The following DYNC1H1 variants were observed in gnomAD, a reference collection of about 807,000 sequenced individuals.
DYNC1H1 encodes the protein cytoplasmic dynein 1 heavy chain 1.
DYNC1H1 carries 51 observed loss-of-function variants against 527.1 expected under a neutral mutation model. The observed-to-expected ratio is 0.10, with a 90% CI of 0.08 to 0.12. The LOEUF is 0.12. DYNC1H1 is among the 10% of genes least tolerant of loss of function. The pLI is 1.00. For synonymous variants in DYNC1H1, 2,189 were observed against 2,278.8 expected (o/e 0.96, Z 1.12); for missense variants, 2,771 against 5,971.8 (o/e 0.46, Z 17.66).
At chr14:102,040,505 G>A (rs1239234807) in intron 63 of DYNC1H1, 93 bp from the exon 64 acceptor site, 6 of 1,612,300 alleles carry the variant, frequency 3.7e-6, no homozygotes, top group South Asian at 1.1e-5. Context: ...AGAATGTTGT[G>A]TCTGCGCTCT....
intron 1 of DYNC1H1, among the ~76,000 whole-genome samples, chr14:101,970,982 C>G (rs764190934): frequency 3.3e-5 from 5 of 151,674 alleles, no homozygotes; most frequent in African/African-American, 1.2e-4. Flanking sequence ...GTTGGGCAGC[C>G]TCACCTGGCA....
rs112126704 is a variant in DYNC1H1, at chr14:102,044,142, G to C, written c.12684+97G>C. On this transcript the variant is annotated intron_variant, in intron 70 of 77. Coordinates refer to ENST00000360184, the MANE Select transcript of DYNC1H1 (RefSeq NM_001376.5). This position sits in a 1 kb window ranked among gnomAD's most constrained non-coding sequence, Gnocchi z 7.1. ...GAGGCCAGACTCTGCGTGGAAGAGC[G>C]AGCTGACCCCTCGTGACCGCCAAAG... 12 of 1,586,660 alleles carry C rather than the reference G, an allele frequency of 7.6e-6. No individual in the cohort carries two copies. The African/African-American group carries it at 1.2e-4, about 16-fold the overall frequency.
At chr14:101,974,973 G>A (rs891943542) in intron 1 of DYNC1H1, among the ~76,000 whole-genome samples, 1 of 152,226 alleles carries the variant, frequency 6.6e-6, no homozygotes, top group Admixed American at 6.5e-5. Flanking sequence ...TAAGTGGTGT[G>A]GCGCAGCAGA....
In DYNC1H1 at chr14:102,007,125, G is replaced by A; in HGVS notation, c.5817+17G>A. The A allele has an allele frequency of 6.2e-7, 1 of 1,613,066 alleles. No individual in the cohort carries two copies. Among genetic ancestry groups the A allele is most frequent in the Non-Finnish European group, 8.5e-7 (1 of 1,179,142 alleles). On this transcript the variant is annotated intron_variant, in intron 28 of 77. Coordinates refer to ENST00000360184, the MANE Select transcript of DYNC1H1 (RefSeq NM_001376.5). ...GATTTCCAGGTGAGACACTTTATGG[G>A]ATCCACCTAAAATGTAATGCCCTGC...
rs760972487 is a variant in DYNC1H1, at chr14:102,042,796, C to G, written c.12513+48C>G. On this transcript the variant is annotated intron_variant, in intron 69 of 77. Coordinates refer to ENST00000360184, the MANE Select transcript of DYNC1H1 (RefSeq NM_001376.5). The surrounding 1 kb of genome is among the most constrained non-coding windows in gnomAD (Gnocchi z 5.7). ...ATGCTTTCCCCATAGAAGCTAAAGC[C>G]CAGTCCCATCACCAAATGCAGAAGT... 2.8e-5 allele frequency: 45 copies of G among 1,600,166 alleles called. No individual in the cohort carries two copies. In the Admixed American group the frequency reaches 7.4e-4, roughly 26 times the overall value.
At position 102,036,758 on chromosome 14, in the gene DYNC1H1, T is replaced by A; in HGVS notation, c.10908+116T>A. ...TCATTTTGTATCAGAAGGATAAAGC[T>A]TTGCGGTGGTTCTGTAATAGATAAA... On this transcript the variant is annotated intron_variant, in intron 57 of 77. Transcript: ENST00000360184. The surrounding 1 kb of genome is among the most constrained non-coding windows in gnomAD (Gnocchi z 5.6). The A allele has an allele frequency of 7.6e-7, 1 of 1,319,598 alleles. No individual in the cohort carries two copies. Among genetic ancestry groups the A allele is most frequent in the East Asian group, 2.3e-5 (1 of 43,092 alleles). 81.7% of individuals were successfully genotyped at this position (1,319,598 alleles called of 1,614,324 possible).
Position 102,012,768 on chromosome 14 carries a change from C to A in DYNC1H1, c.7014+298C>A. The A allele has an allele frequency of 2.3e-6, 1 of 431,830 alleles. No individual in the cohort carries two copies. Among genetic ancestry groups the A allele is most frequent in the Non-Finnish European group, 4.3e-6 (1 of 232,950 alleles). 26.7% of individuals were successfully genotyped at this position (431,830 alleles called of 1,614,324 possible). A position where few individuals can be genotyped will look rare whatever the true frequency, so the allele number is the denominator to read the frequency against. ...GGGGTTGTCGTTAAGGTTTCTTAAG[C>A]TGTTATACATCTAGAGAGCTGGGAA... is the stretch of plus-strand genomic sequence containing the variant. On this transcript the variant is annotated intron_variant, in intron 34 of 77. Coordinates refer to ENST00000360184, the MANE Select transcript of DYNC1H1 (RefSeq NM_001376.5). The surrounding 1 kb of genome is among the most constrained non-coding windows in gnomAD (Gnocchi z 4.9).
At chr14:102,031,251 T>C (rs938571660) in intron 51 of DYNC1H1, among the ~76,000 whole-genome samples, 12 of 152,214 alleles carry the variant, frequency 7.9e-5, no homozygotes, top group South Asian at 4.1e-4. Context: ...TTGCTTTGTT[T>C]GAGACAGGGT....
At chr14:102,030,502 G>A in intron 51 of DYNC1H1, 2 of 592,512 alleles carry the variant, frequency 3.4e-6, no homozygotes, top group Non-Finnish European at 5.8e-6. Context: ...TTACCATAGT[G>A]AAACCCCTCT....
chr14:102,000,935 C>T lies in DYNC1H1; in HGVS notation c.4075-19C>T. The T allele has an allele frequency of 6.2e-7, 1 of 1,601,864 alleles. No individual in the cohort carries two copies. Among genetic ancestry groups the T allele is most frequent in the Non-Finnish European group, 8.6e-7 (1 of 1,168,812 alleles). ...GAAATGTTGGCAAGCTAAATAGCAT[C>T]TTATGTTTCTCTCGACAGCTTCGAC... On this transcript the variant is annotated intron_variant, in intron 18 of 77. Coordinates refer to ENST00000360184, the MANE Select transcript of DYNC1H1 (RefSeq NM_001376.5).
intron 57 of DYNC1H1, chr14:102,037,537 C>A (rs537689830): frequency 6.6e-6 from 1 of 151,920 alleles, no homozygotes; most frequent in Non-Finnish European, 1.5e-5. Flanking sequence ...CAAACTCATG[C>A]AGGAGCAGAA....
chr14:102,031,843 G>A (rs1595625323), intron 51 of DYNC1H1, among the ~76,000 whole-genome samples: 1 of 152,064 alleles, frequency 6.6e-6, no homozygotes, highest in Non-Finnish European at 1.5e-5. Context: ...AATCCCAGCT[G>A]CTCAGGAGGC....
At chr14:101,991,399 A>G in intron 10 of DYNC1H1, 128 bp from the exon 11 acceptor site, 1 of 1,136,158 alleles carries the variant, frequency 8.8e-7, no homozygotes, top group Non-Finnish European at 1.3e-6. Context: ...CGGGAGGCGG[A>G]GGTTACAGTG....
chr14:102,027,564 C>T lies in DYNC1H1; in HGVS notation c.9048+20C>T, dbSNP rs775898480. 21 of 1,614,146 alleles carry T rather than the reference C, an allele frequency of 1.3e-5. No individual in the cohort carries two copies. In the Admixed American group the frequency reaches 1.7e-4, roughly 13 times the overall value. On this transcript the variant is annotated intron_variant, in intron 46 of 77. Transcript: ENST00000360184. The surrounding 1 kb of genome is among the most constrained non-coding windows in gnomAD (Gnocchi z 7.7). ...GGAGAGGTAATTAGGTGACGTGTTG[C>T]GTTGCATTACGTGTTACCGGGGGAC... is the stretch of plus-strand genomic sequence containing the variant.
chr14:102,004,176 G>A (rs961431345), intron 23 of DYNC1H1, among the ~76,000 whole-genome samples: 3 of 151,940 alleles, frequency 2.0e-5, no homozygotes, highest in African/African-American at 2.4e-5. Context: ...CCCGGGAGGC[G>A]GAGCTTGCAG....
chr14:102,004,620 G>C lies in DYNC1H1; in HGVS notation c.4986G>C (p.Ser1662=), dbSNP rs113210905. The change falls in exon 24 of 78, where the codon TCG becomes TCC. Residue 1662 remains serine, a synonymous_variant. Transcript: ENST00000360184. The stretch of plus-strand genomic sequence containing the variant: ...TCAAGAAGATGTTTGCTGGAGTTTC[G>C]AGCATCATCCTGAACGAGGATAACT... ...KHFKKMFAGV[S]SIILNEDNSV... The C allele has an allele frequency of 6.2e-7, 1 of 1,614,156 alleles. No homozygotes were observed. Among genetic ancestry groups the C allele is most frequent in the Non-Finnish European group, 8.5e-7 (1 of 1,180,026 alleles).
chr14:102,030,579 CG>C, intron 51 of DYNC1H1: 2 of 372,678 alleles, frequency 5.4e-6, no homozygotes, highest in South Asian at 5.2e-5. Context: ...TTGATAATTA[CG>C]TAAGTATGCT....
At chr14:101,980,042 G>A (rs1446905491) in intron 4 of DYNC1H1, 68 bp downstream of exon 4, 3 of 1,608,938 alleles carry the variant, frequency 1.9e-6, no homozygotes, top group East Asian at 2.2e-5. Flanking sequence ...AAACTGATCT[G>A]GATTTTGTAA....
In DYNC1H1 at chr14:102,010,595, C is replaced by CCCTG; in HGVS notation, c.6405+138_6405+139insTGCC. 1 of 1,492,936 alleles carries CCCTG rather than the reference C, an allele frequency of 6.7e-7. No individual in the cohort carries two copies. 92.5% of individuals were successfully genotyped at this position (1,492,936 alleles called of 1,614,324 possible). ...TGGCTGAAATAGACTGTAATGTTGA[C>CCCTG]CCAGTGAGTCGAGTGCACGAATGTG... is the stretch of plus-strand genomic sequence containing the variant. On this transcript the variant is annotated intron_variant, in intron 31 of 77. Transcript: ENST00000360184. The surrounding 1 kb of genome is among the most constrained non-coding windows in gnomAD (Gnocchi z 6.0).
Sources: allele counts gnomAD v4.1 joint callset (sites outside exome capture counted in the v4.1 genomes callset), GRCh38; gene constraint gnomAD v4.1.1; non-coding constraint Gnocchi (gnomAD v3.1); transcripts MANE v1.5; gene names NCBI Gene and HGNC (gene_info 2026-07-23, HGNC 2026-07-21).